The following ANO4 variants were observed in gnomAD, a reference collection of about 807,000 sequenced individuals.
The protein encoded by ANO4 is anoctamin-4.
ANO4 carries 69 observed loss-of-function variants against 141.9 expected under a neutral mutation model. The observed-to-expected ratio is 0.49, with a 90% CI of 0.40 to 0.59. The LOEUF (loss-of-function observed/expected upper bound fraction) is 0.59, where lower values mean the gene tolerates loss of function less well. Ranked by LOEUF, ANO4 falls within the 20% of genes least tolerant of loss-of-function variation. The pLI is 0.00. For synonymous variants in ANO4, 350 were observed against 394.3 expected (o/e 0.89, Z 1.33); for missense variants, 894 against 1,162.2 (o/e 0.77, Z 3.36).
At chr12:101,052,044 A>T (rs1307690590) in intron 14 of ANO4, among the ~76,000 whole-genome samples, 1 of 152,186 alleles carries the variant, frequency 6.6e-6, no homozygotes, top group East Asian at 1.9e-4. Context: ...ATGAGAACAG[A>T]TGTAAGTGGT....
intron 22 of ANO4, among the ~76,000 whole-genome samples, chr12:101,105,918 C>G (rs1229307796): frequency 2.0e-5 from 3 of 152,054 alleles, no homozygotes; most frequent in Non-Finnish European, 2.9e-5. Context: ...GTCAGGAGTT[C>G]GAGACCAACA....
chr12:100,777,169 T>C (rs2033544674), intron 3 of ANO4, among the ~76,000 whole-genome samples: 1 of 148,964 alleles, frequency 6.7e-6, no homozygotes, highest in South Asian at 2.2e-4. Flanking sequence ...CTCGACTCAC[T>C]GCAACCTCAG....
chr12:101,103,183 TTATATATATATATA>T (rs71091476), intron 22 of ANO4, among the ~76,000 whole-genome samples: 3 of 18,604 alleles, frequency 1.6e-4, no homozygotes, highest in South Asian at 3.2e-3. Context: ...TTTAGTCATT[TTATATATATATATA>T]TATATATATA....
At chr12:100,988,522 G>A (rs888359103) in intron 8 of ANO4, among the ~76,000 whole-genome samples, 42 of 150,366 alleles carry the variant, frequency 2.8e-4, no homozygotes, top group Non-Finnish European at 5.2e-4. Context: ...CTTACCTGGA[G>A]GGAAGAAAAG....
chr12:100,728,272 C>T (rs2031226843), intron 1 of ANO4, among the ~76,000 whole-genome samples: 1 of 152,070 alleles, frequency 6.6e-6, no homozygotes, highest in African/African-American at 2.4e-5. Flanking sequence ...ATGAACACGC[C>T]CCCAAATAAT....
At chr12:100,821,292 A>T (rs2036037604) in intron 1 of ANO4, among the ~76,000 whole-genome samples, 1 of 152,048 alleles carries the variant, frequency 6.6e-6, no homozygotes, top group Non-Finnish European at 1.5e-5. Flanking sequence ...GGGATGGTAG[A>T]TATCAGTGGC....
At chr12:100,937,817 G>A (rs997020442) in intron 3 of ANO4, among the ~76,000 whole-genome samples, 3 of 152,028 alleles carry the variant, frequency 2.0e-5, no homozygotes, top group Non-Finnish European at 4.4e-5. Context: ...GCTCGTGGCC[G>A]CATCCTGTAT....
intron 22 of ANO4, 45 bp from the exon 23 acceptor site, chr12:101,110,359 T>G: frequency 6.5e-7 from 1 of 1,528,428 alleles, no homozygotes; most frequent in South Asian, 1.3e-5. Context: ...AAAATAGTAA[T>G]GGAAAACCAA....
intron 26 of ANO4, among the ~76,000 whole-genome samples, chr12:101,122,135 C>T (rs548732424): frequency 6.6e-6 from 1 of 152,214 alleles, no homozygotes; most frequent in Admixed American, 6.5e-5. Context: ...CTCTAATTTC[C>T]TTAGAGATTC....
intron 9 of ANO4, among the ~76,000 whole-genome samples, chr12:101,028,888 C>T (rs1376147826): frequency 6.6e-6 from 1 of 152,066 alleles, no homozygotes; most frequent in Non-Finnish European, 1.5e-5. Flanking sequence ...ATCAGATTGT[C>T]CAAGGCCAAA....
intron 24 of ANO4, among the ~76,000 whole-genome samples, chr12:101,115,723 A>C (rs2050825708): frequency 6.6e-6 from 1 of 152,238 alleles, no homozygotes; most frequent in Non-Finnish European, 1.5e-5. Flanking sequence ...GCTACTTGCT[A>C]TGATACTTTT....
intron 1 of ANO4, among the ~76,000 whole-genome samples, chr12:100,870,070 G>A (rs1210545757): frequency 6.6e-6 from 1 of 152,126 alleles, no homozygotes; most frequent in South Asian, 2.1e-4. Context: ...GCTCAAATTG[G>A]GATAGTTGAG....
At chr12:101,061,518 C>T (rs965082434) in intron 14 of ANO4, among the ~76,000 whole-genome samples, 1 of 151,986 alleles carries the variant, frequency 6.6e-6, no homozygotes, top group African/African-American at 2.4e-5. Flanking sequence ...TCAGGTACAC[C>T]AATCAAATGT....
chr12:101,076,345 A>T (rs185842651), intron 14 of ANO4, among the ~76,000 whole-genome samples: 7 of 152,280 alleles, frequency 4.6e-5, no homozygotes, highest in Middle Eastern at 6.8e-3. Context: ...AGCAACCCTC[A>T]CCAGACACCA....
At chr12:100,757,902 C>T (rs1269774545) in intron 3 of ANO4, among the ~76,000 whole-genome samples, 1 of 152,176 alleles carries the variant, frequency 6.6e-6, no homozygotes, top group Non-Finnish European at 1.5e-5. Context: ...CTATTTTACT[C>T]TTTTCGCCCA....
intron 1 of ANO4, among the ~76,000 whole-genome samples, chr12:100,894,263 G>A (rs1308310758): frequency 6.6e-6 from 1 of 152,046 alleles, no homozygotes; most frequent in Non-Finnish European, 1.5e-5. Flanking sequence ...ATAAAAGGAG[G>A]CATGACAGGG....
chr12:101,002,249 AG>A (rs2045677189), intron 8 of ANO4, among the ~76,000 whole-genome samples: 1 of 152,202 alleles, frequency 6.6e-6, no homozygotes, highest in Non-Finnish European at 1.5e-5. Context: ...CACAGTTAGA[AG>A]AAGGACATCC....
chr12:101,018,999 T>C (rs2136484783), intron 8 of ANO4, among the ~76,000 whole-genome samples: 1 of 152,268 alleles, frequency 6.6e-6, no homozygotes, highest in African/African-American at 2.4e-5. Flanking sequence ...ATTGATGTGC[T>C]TGCAAAATAA....
intron 1 of ANO4, among the ~76,000 whole-genome samples, chr12:100,876,000 A>G (rs1007583948): frequency 1.3e-4 from 20 of 152,202 alleles, no homozygotes. Flanking sequence ...AGCCAGCTTC[A>G]TGAGTGGGCA....
Sources: allele counts gnomAD v4.1 joint callset (sites outside exome capture counted in the v4.1 genomes callset), GRCh38; gene constraint gnomAD v4.1.1; transcripts MANE v1.5; gene names NCBI Gene and HGNC (gene_info 2026-07-23, HGNC 2026-07-21).